DYTN: variants seen among roughly 807,000 people sequenced by gnomAD.
The protein encoded by DYTN is dystrotelin.
Under a neutral mutation model 69.6 loss-of-function variants are expected in DYTN, and 75 were observed. That is an observed-to-expected ratio of 1.08 (90% CI 0.89 to 1.31). The LOEUF (loss-of-function observed/expected upper bound fraction) is 1.31. DYTN is among the 50% of genes most tolerant of loss of function. The pLI, the probability that DYTN is intolerant of heterozygous loss-of-function variation, is 0.00. For synonymous variants in DYTN, 252 were observed against 249.1 expected (o/e 1.01, Z -0.11); for missense variants, 726 against 688.4 (o/e 1.05, Z -0.61).
Position 206,657,631 on chromosome 2 carries a change from T to C in DYTN, c.1633+5272A>G, listed in dbSNP as rs571392302. On this transcript the variant is annotated intron_variant, in intron 11 of 11. Coordinates refer to ENST00000452335, the MANE Select transcript of DYTN (RefSeq NM_001093730.1). ...TATATTTACCTTTACTAATGAGTTG[T>C]TGGATATAGTATTTTTGATTGATAG... Among the ~76,000 whole-genome samples the C allele has an allele frequency of 2.0e-5, 3 of 152,226 alleles. 1 individual carries two copies. The South Asian group carries it at 6.2e-4, about 32-fold the overall frequency.
chr2:206,712,509 C>T (rs1432070599), intron 1 of DYTN, among the ~76,000 whole-genome samples: 1 of 152,104 alleles, frequency 6.6e-6, no homozygotes, highest in Non-Finnish European at 1.5e-5. Flanking sequence ...GCTAGAACAA[C>T]ACATAAAATC....
intron 9 of DYTN, among the ~76,000 whole-genome samples, chr2:206,691,616 G>A (rs1699863817): frequency 6.6e-6 from 1 of 151,992 alleles, no homozygotes. Flanking sequence ...TAAATTCTAT[G>A]TGCAATATTA....
intron 11 of DYTN, among the ~76,000 whole-genome samples, chr2:206,659,490 A>G (rs1270226669): frequency 1.8e-5 from 2 of 111,556 alleles, no homozygotes; most frequent in Non-Finnish European, 3.8e-5. Context: ...TTCTCAAAAA[A>G]AAAAAAAAAA....
intron 9 of DYTN, among the ~76,000 whole-genome samples, chr2:206,668,402 GT>G (rs1699596869): frequency 6.6e-6 from 1 of 152,150 alleles, no homozygotes; most frequent in South Asian, 2.1e-4. Flanking sequence ...ATGCTTATGG[GT>G]TGTTTCTAGT....
In DYTN at chr2:206,700,223, G is replaced by C. The variant is rs769809377; in HGVS notation, c.484-7C>G. The C allele has an allele frequency of 2.5e-5, 41 of 1,613,708 alleles. No individual in the cohort carries two copies. The highest frequency in any genetic ancestry group is 3.5e-5 in the Non-Finnish European group (41 of 1,179,748). ...CTCCCACGAAAGTTGGGATCTGCAA[G>C]AGACAACCTCATCTTAGCTGTTAGA... On this transcript the variant is annotated splice_polypyrimidine_tract_variant and splice_region_variant and intron_variant, in intron 5 of 11. Coordinates refer to ENST00000452335, the MANE Select transcript of DYTN (RefSeq NM_001093730.1).
chr2:206,681,461 A>G (rs572361739), intron 9 of DYTN, among the ~76,000 whole-genome samples: 21 of 152,298 alleles, frequency 1.4e-4, no homozygotes, highest in Non-Finnish European at 2.5e-4. Flanking sequence ...CAGTTTTCAA[A>G]GGGAATGCTT....
At chr2:206,680,928 T>C (rs1019157005) in intron 9 of DYTN, among the ~76,000 whole-genome samples, 22 of 152,206 alleles carry the variant, frequency 1.4e-4, no homozygotes, top group Non-Finnish European at 2.9e-5. Flanking sequence ...AGAATGTCAA[T>C]GGTAGTTTGA....
chr2:206,682,178 A>G (rs111333769), intron 9 of DYTN, among the ~76,000 whole-genome samples: 3 of 152,236 alleles, frequency 2.0e-5, no homozygotes, highest in African/African-American at 7.2e-5. Context: ...AGGTGTTTAC[A>G]GTATTCTCTG....
chr2:206,661,517 TG>T (rs1026850068), intron 11 of DYTN, among the ~76,000 whole-genome samples: 1 of 152,176 alleles, frequency 6.6e-6, no homozygotes, highest in Non-Finnish European at 1.5e-5. Flanking sequence ...CTGATACTCC[TG>T]GGACGGCAAG....
intron 5 of DYTN, 114 bp from the exon 6 acceptor site, chr2:206,700,330 C>T (rs1313358918): frequency 3.5e-6 from 4 of 1,134,306 alleles, no homozygotes; most frequent in South Asian, 2.6e-5. Flanking sequence ...TATTTGGTAT[C>T]TGAGACGAGG....
intron 9 of DYTN, among the ~76,000 whole-genome samples, chr2:206,667,470 C>A (rs1168296723): frequency 6.6e-6 from 1 of 152,078 alleles, no homozygotes; most frequent in Non-Finnish European, 1.5e-5. Context: ...AAATGACAAC[C>A]CCAACCTCTC....
intron 5 of DYTN, among the ~76,000 whole-genome samples, chr2:206,702,519 T>A (rs1699985790): frequency 6.6e-6 from 1 of 152,204 alleles, no homozygotes; most frequent in Admixed American, 6.5e-5. Flanking sequence ...CTGTTGCCAG[T>A]CGAATGTAAG....
chr2:206,680,604 T>C (rs1212252270), intron 9 of DYTN, among the ~76,000 whole-genome samples: 1 of 152,238 alleles, frequency 6.6e-6, no homozygotes. Flanking sequence ...CATTATGTTC[T>C]GCAGAATGTT....
intron 4 of DYTN, among the ~76,000 whole-genome samples, chr2:206,705,436 G>A (rs547999636): frequency 1.3e-4 from 20 of 152,232 alleles, no homozygotes; most frequent in South Asian, 1.0e-3. Context: ...GATAACTAAC[G>A]GAAACCCATT....
chr2:206,699,857 G>T lies in DYTN; in HGVS notation c.589C>A (p.Leu197Met). ...LSPAIKEEKF[L>M]SWVQSEPPIL... ...GGAGGCTCAGATTGGACCCAAGACAGGAATTTTTCTTCTTTGATTGCTGGG... is the reference window on the plus strand; with the variant it reads ...GGAGGCTCAGATTGGACCCAAGACATGAATTTTTCTTCTTTGATTGCTGGG... Residue 197 changes from leucine (L) to methionine (M), a missense_variant, in exon 7 of 12, where the codon CTG becomes ATG. Physicochemically the swap from Leu to Met is conservative, Grantham distance 15. Coordinates refer to ENST00000452335, the MANE Select transcript of DYTN (RefSeq NM_001093730.1). 1 of 1,613,534 alleles carries T rather than the reference G, an allele frequency of 6.2e-7. No individual in the cohort carries two copies.
At chr2:206,683,813 C>A (rs1235967195) in intron 9 of DYTN, among the ~76,000 whole-genome samples, 2 of 152,044 alleles carry the variant, frequency 1.3e-5, no homozygotes, top group African/African-American at 4.8e-5. Context: ...TTTGCAGTGT[C>A]CTTTTCTCAG....
chr2:206,664,698 G>A (rs903048656), intron 10 of DYTN, among the ~76,000 whole-genome samples: 1 of 152,142 alleles, frequency 6.6e-6, no homozygotes, highest in Non-Finnish European at 1.5e-5. Context: ...CAGGCTTTCA[G>A]TCAAAACTTA....
At chr2:206,705,080 G>A (rs1219216902) in intron 4 of DYTN, 137 bp from the exon 5 acceptor site, 47 of 716,004 alleles carry the variant, frequency 6.6e-5, no homozygotes, top group Middle Eastern at 2.5e-4. Context: ...TTATTGGCTA[G>A]CTATTATGAA....
chr2:206,699,608 A>G, intron 7 of DYTN, 119 bp downstream of exon 7: 1 of 1,283,736 alleles, frequency 7.8e-7, no homozygotes, highest in Non-Finnish European at 1.0e-6. Flanking sequence ...TTGAGCCAAA[A>G]AAGTCAACTG....
Sources: allele counts gnomAD v4.1 joint callset (sites outside exome capture counted in the v4.1 genomes callset), GRCh38; gene constraint gnomAD v4.1.1; transcripts MANE v1.5; gene names NCBI Gene and HGNC (gene_info 2026-07-23, HGNC 2026-07-21).